C12orf42: variants seen among roughly 807,000 people sequenced by gnomAD.
The protein encoded by C12orf42 is chromosome 12 open reading frame 42, also known as uncharacterized protein C12orf42.
C12orf42 carries 25 observed loss-of-function variants against 21.6 expected under a neutral mutation model. The observed-to-expected ratio is 1.16, with a 90% confidence interval of 0.84 to 1.62. C12orf42 has a LOEUF of 1.62. Ranked by LOEUF, C12orf42 falls within the 40% of genes most tolerant of loss-of-function variation. The probability of loss-of-function intolerance (pLI) is 0.00; values close to 1 mark genes in which losing one functional copy is unlikely to be tolerated. For synonymous variants in C12orf42, 174 were observed against 175.0 expected, an observed-to-expected ratio of 0.99 and a Z score of 0.05; for missense variants, 483 against 459.3, an observed-to-expected ratio of 1.05 and a Z score of -0.47.
the C12orf42 span, among the ~76,000 whole-genome samples, chr12:103,174,209 GAATTCAGAAATT>G: frequency 1.3e-3 from 202 of 152,244 alleles, no homozygotes; most frequent in Non-Finnish European, 2.5e-3. Context: ...ATAGATGAAG[GAATTCAGAAATT>G]AAATGCTCTG....
the C12orf42 span, among the ~76,000 whole-genome samples, chr12:103,060,038 A>G: frequency 1.3e-5 from 2 of 152,184 alleles, no homozygotes; most frequent in African/African-American, 2.4e-5. Flanking sequence ...AGGAAGCCAC[A>G]TTGTCTCTGT....
Position 103,302,406 on chromosome 12 carries a change from T to C in C12orf42, c.785A>G (p.Gln262Arg), listed in dbSNP as rs764373523. ...AGAQAHPDDIQSRLLGASGNP... is the reference protein window; with the variant it reads ...AGAQAHPDDIRSRLLGASGNP... ...TCCGGACGCGCCCAGGAGTCTGCTTTGGATGTCGTCGGGGTGTGCCTGAGC... is the reference window on the plus strand; with the variant it reads ...TCCGGACGCGCCCAGGAGTCTGCTTCGGATGTCGTCGGGGTGTGCCTGAGC... The change falls in exon 6 of 6, where the codon CAA (glutamine) becomes CGA (arginine). Residue 262 changes from glutamine to arginine, a missense_variant. Coordinates refer to ENST00000548883, the MANE Select transcript of C12orf42 (RefSeq NM_198521.5). 6 of 1,613,764 alleles carry C rather than the reference T, an allele frequency of 3.7e-6. No individual in the cohort carries two copies. Among genetic ancestry groups the C allele is most frequent in the Non-Finnish European group, 5.1e-6 (6 of 1,179,852 alleles).
the C12orf42 span, among the ~76,000 whole-genome samples, chr12:103,186,522 A>C: frequency 6.6e-6 from 1 of 152,222 alleles, no homozygotes; most frequent in Non-Finnish European, 1.5e-5. Context: ...TGTCTAATCA[A>C]AATGGCATAA....
At chr12:103,065,614 C>T in the C12orf42 span, among the ~76,000 whole-genome samples, 1 of 152,198 alleles carries the variant, frequency 6.6e-6, no homozygotes, top group East Asian at 1.9e-4. Context: ...ACACACTGGA[C>T]TTATTAATGA....
the C12orf42 span, among the ~76,000 whole-genome samples, chr12:103,550,096 A>G: frequency 6.6e-6 from 1 of 152,132 alleles, no homozygotes; most frequent in Non-Finnish European, 1.5e-5. Flanking sequence ...AATATTTGCA[A>G]GTAACAAAGA....
chr12:103,060,112 T>A, the C12orf42 span, among the ~76,000 whole-genome samples: 1 of 152,204 alleles, frequency 6.6e-6, no homozygotes, highest in Non-Finnish European at 1.5e-5. Flanking sequence ...CTGCTTAGGC[T>A]GATAAACAAC....
At chr12:103,184,713 C>CG in the C12orf42 span, among the ~76,000 whole-genome samples, 14 of 11,380 alleles carry the variant, frequency 1.2e-3, no homozygotes, top group African/African-American at 6.6e-3. Context: ...GAATTGTCAC[C>CG]CCCCCCCCCC....
the C12orf42 span, among the ~76,000 whole-genome samples, chr12:103,149,296 T>G: frequency 1.3e-5 from 2 of 152,190 alleles, no homozygotes; most frequent in Admixed American, 1.3e-4. Context: ...CACAGAACAT[T>G]GTATGATAAA....
chr12:103,189,469 C>T, the C12orf42 span, among the ~76,000 whole-genome samples: 3 of 152,136 alleles, frequency 2.0e-5, no homozygotes. Flanking sequence ...CTCCAAAATC[C>T]AAGTGACAGA....
At chr12:103,108,628 G>T in the C12orf42 span, among the ~76,000 whole-genome samples, 8 of 152,046 alleles carry the variant, frequency 5.3e-5, no homozygotes, top group Admixed American at 3.3e-4. Flanking sequence ...AAGACAATCT[G>T]TCTCAAACTG....
chr12:103,339,070 A>G (rs1411467936), intron 4 of C12orf42, among the ~76,000 whole-genome samples: 1 of 152,206 alleles, frequency 6.6e-6, no homozygotes, highest in Non-Finnish European at 1.5e-5. Flanking sequence ...CTACAAATAA[A>G]TTAGATTTAG....
intron 2 of C12orf42, among the ~76,000 whole-genome samples, chr12:103,466,833 C>T (rs1953175827): frequency 1.3e-5 from 2 of 152,228 alleles, no homozygotes; most frequent in Non-Finnish European, 2.9e-5. Context: ...AGGGGAGGCA[C>T]TATTGGAGTT....
chr12:103,290,803 T>G (rs1203868511), intron 4 of C12orf42, among the ~76,000 whole-genome samples: 2 of 152,104 alleles, frequency 1.3e-5, no homozygotes, highest in East Asian at 3.9e-4. Flanking sequence ...AGAATTCTAT[T>G]TTCTGGATGC....
chr12:103,548,570 T>C, the C12orf42 span: 1 of 152,214 alleles, frequency 6.6e-6, no homozygotes, highest in Non-Finnish European at 1.5e-5. Flanking sequence ...ATGAACAGAA[T>C]AAGTATATAT....
At chr12:103,556,120 G>C in the C12orf42 span, among the ~76,000 whole-genome samples, 3 of 152,094 alleles carry the variant, frequency 2.0e-5, no homozygotes, top group African/African-American at 7.2e-5. Context: ...TGTAATAGTG[G>C]GAAGAACACA....
chr12:103,507,504 CA>C, the C12orf42 span, among the ~76,000 whole-genome samples: 16,293 of 126,246 alleles, frequency 0.13, 1,019 homozygotes, highest in South Asian at 0.23. Context: ...ACCCCATCTT[CA>C]AAAAAAAAAA....
chr12:103,267,206 A>G (rs2136241967), downstream of C12orf42, among the ~76,000 whole-genome samples: 1 of 152,242 alleles, frequency 6.6e-6, no homozygotes, highest in African/African-American at 2.4e-5. Flanking sequence ...AGTCAATTCA[A>G]TAAATATTTA....
At chr12:103,550,387 T>C in the C12orf42 span, 1 of 152,182 alleles carries the variant, frequency 6.6e-6, no homozygotes, top group Admixed American at 6.5e-5. Context: ...GAGTATTCCA[T>C]CGTCCTAATA....
intron 2 of C12orf42, among the ~76,000 whole-genome samples, chr12:103,421,578 T>TATAAATATATAA (rs2049907459): frequency 6.8e-6 from 1 of 147,222 alleles, no homozygotes; most frequent in African/African-American, 2.5e-5. Context: ...TGTCAATAAA[T>TATAAATATATAA]ATAAATAAAT....
Sources: allele counts gnomAD v4.1 joint callset (sites outside exome capture counted in the v4.1 genomes callset), GRCh38; gene constraint gnomAD v4.1.1; transcripts MANE v1.5; gene names NCBI Gene and HGNC (gene_info 2026-07-23, HGNC 2026-07-21).